ZNF626: variants seen among roughly 807,000 people sequenced by gnomAD.
ZNF626 encodes the protein zinc finger protein 626, also known as CTC-513N18.7.
Under a neutral mutation model 11.7 loss-of-function variants are expected in ZNF626, and 4 were observed. That is an observed-to-expected ratio of 0.34 (90% CI 0.17 to 0.78). ZNF626 has a LOEUF of 0.78. Among genes scored for constraint, ZNF626 ranks in the 30% least tolerant of loss-of-function variants. The pLI, the probability that ZNF626 is intolerant of heterozygous loss-of-function variation, is 0.57. For synonymous variants in ZNF626, 179 were observed against 198.6 expected, an observed-to-expected ratio of 0.90 and a Z score of 0.83; for missense variants, 588 against 587.1, an observed-to-expected ratio of 1.00 and a Z score of -0.01.
At chr19:20,654,281 C>A (rs569838412) in intron 1 of ZNF626, among the ~76,000 whole-genome samples, 19 of 151,770 alleles carry the variant, frequency 1.3e-4, no homozygotes, top group African/African-American at 4.6e-4. Context: ...TCTACAAAAA[C>A]CATATAAAAA....
intron 1 of ZNF626, among the ~76,000 whole-genome samples, chr19:20,648,463 G>A (rs749221019): frequency 4.0e-5 from 6 of 149,800 alleles, no homozygotes; most frequent in Non-Finnish European, 7.4e-5. Flanking sequence ...TGCAAGCTCT[G>A]CCTCCCAGGT....
intron 1 of ZNF626, among the ~76,000 whole-genome samples, chr19:20,648,043 G>A (rs897583767): frequency 6.6e-6 from 1 of 151,680 alleles, no homozygotes; most frequent in African/African-American, 2.4e-5. Context: ...GCCGGGTGTT[G>A]TGGCAAGCAC....
intron 3 of ZNF626, among the ~76,000 whole-genome samples, chr19:20,642,370 T>C (rs192886958): frequency 1.2e-3 from 184 of 152,090 alleles, no homozygotes; most frequent in East Asian, 8.7e-3. Flanking sequence ...AAGGCCAAGG[T>C]GGGCAGATCA....
intron 3 of ZNF626, among the ~76,000 whole-genome samples, chr19:20,641,002 C>T (rs1555771374): frequency 2.0e-5 from 3 of 151,754 alleles, no homozygotes; most frequent in Non-Finnish European, 1.5e-5. Context: ...TGGGCATGGT[C>T]GTGGGCGCCT....
rs147701537 is a variant in ZNF626 at position 20,652,440 on chromosome 19, T to G, written c.4-6035A>C. ...TGAGTAGCAGCATTTACAAGAAGAT[T>G]TGTAAAGACAATAAGAGAAACACAG... On this transcript the variant is annotated intron_variant, in intron 1 of 3. Transcript: ENST00000601440. Among the ~76,000 whole-genome samples, 287 of 152,318 alleles carry G rather than the reference T, an allele frequency of 1.9e-3. 1 individual carries two copies. The highest frequency in any genetic ancestry group is 6.6e-3 in the African/African-American group (273 of 41,570).
At chr19:20,654,972 C>A (rs549978632) in intron 1 of ZNF626, among the ~76,000 whole-genome samples, 1 of 151,826 alleles carries the variant, frequency 6.6e-6, no homozygotes, top group Non-Finnish European at 1.5e-5. Flanking sequence ...TTCAGCCAGG[C>A]ATGGTGATGC....
chr19:20,651,376 T>C (rs1486236755), intron 1 of ZNF626, among the ~76,000 whole-genome samples: 1 of 151,162 alleles, frequency 6.6e-6, no homozygotes, highest in East Asian at 1.9e-4. Context: ...CTAGACTAAG[T>C]TTCTGGATTG....
In ZNF626 at chr19:20,625,186, A is replaced by AT. The variant is rs782096697; in HGVS notation, c.690dup (p.Cys231MetfsTer2). On this transcript the variant is annotated frameshift_variant, in exon 4 of 4. Transcript: ENST00000601440. LOFTEE classifies it low-confidence loss of function (END_TRUNC). The stretch of plus-strand genomic sequence containing the variant: ...TTAAAGGCTTTGCCACATTCTTCAC[A>AT]TTTGTAGGGTTTCTCTCCAGTATGA... The AT allele has an allele frequency of 1.9e-6, 3 of 1,613,212 alleles. No individual in the cohort carries two copies. The highest frequency in any genetic ancestry group is 2.5e-6 in the Non-Finnish European group (3 of 1,179,930).
At chr19:20,648,795 T>G (rs1970113697) in intron 1 of ZNF626, among the ~76,000 whole-genome samples, 1 of 152,228 alleles carries the variant, frequency 6.6e-6, no homozygotes, top group Admixed American at 6.5e-5. Context: ...ATCTTGAGTA[T>G]CCACATCTTT....
chr19:20,637,947 C>A (rs1438204357), intron 3 of ZNF626, among the ~76,000 whole-genome samples: 3 of 152,148 alleles, frequency 2.0e-5, no homozygotes, highest in African/African-American at 7.2e-5. Context: ...CAAGACCAGC[C>A]TGGGCAACAT....
intron 3 of ZNF626, among the ~76,000 whole-genome samples, chr19:20,634,783 T>A (rs961590099): frequency 2.0e-5 from 3 of 152,222 alleles, no homozygotes; most frequent in Non-Finnish European, 4.4e-5. Context: ...GTATATGGAA[T>A]CTAAAGAGTT....
intron 1 of ZNF626, among the ~76,000 whole-genome samples, chr19:20,658,953 C>T (rs1970234599): frequency 6.6e-6 from 1 of 152,056 alleles, no homozygotes; most frequent in Non-Finnish European, 1.5e-5. Flanking sequence ...TTATGTTTAC[C>T]GGTTTCATAT....
intron 3 of ZNF626, among the ~76,000 whole-genome samples, chr19:20,630,191 T>C (rs1435685209): frequency 1.3e-5 from 2 of 152,206 alleles, no homozygotes; most frequent in South Asian, 2.1e-4. Context: ...CAGTATTTTA[T>C]TGAGGATTTT....
chr19:20,645,492 C>T (rs1370161073), intron 3 of ZNF626, 192 bp downstream of exon 3: 4 of 1,585,514 alleles, frequency 2.5e-6, no homozygotes, highest in Admixed American at 2.0e-5. Flanking sequence ...AAGCATAAGA[C>T]AGAAGATGCC....
chr19:20,639,491 A>G (rs1167296710), intron 3 of ZNF626, among the ~76,000 whole-genome samples: 1 of 152,184 alleles, frequency 6.6e-6, no homozygotes, highest in Middle Eastern at 3.2e-3. Context: ...CAATCCTAAC[A>G]CTTTGGGAGA....
Position 20,619,991 on chromosome 19 carries a change from T to C in ZNF626, c.*4299A>G, listed in dbSNP as rs1969739276. ...TACAAATATTAACTAACATCTTTTT[T>C]TCTGGCTTAAATTATTATTCCTTTA... On this transcript the variant is annotated 3_prime_UTR_variant, in exon 4 of 4. Coordinates refer to ENST00000601440, the MANE Select transcript of ZNF626 (RefSeq NM_001076675.3). 6.6e-6 allele frequency: 1 copy of C among 152,250 alleles called. No homozygotes were observed. The allele number at this position is 152,250 out of a possible 1,614,324, so 9.4% of individuals were successfully genotyped here. A position where few individuals can be genotyped will look rare whatever the true frequency, so the allele number is the denominator to read the frequency against.
In ZNF626 at chr19:20,623,399, A is replaced by C. The variant is rs1305318807; in HGVS notation, c.*891T>G. 2.6e-5 allele frequency: 4 copies of C among 152,252 alleles called. No individual in the cohort carries two copies. The highest frequency in any genetic ancestry group is 1.3e-4 in the Admixed American group (2 of 15,270). 9.4% of individuals were successfully genotyped at this position (152,252 alleles called of 1,614,324 possible). A position where few individuals can be genotyped will look rare whatever the true frequency, so the allele number is the denominator to read the frequency against. ...ATTTCTAGGGTTTCACACTAGTATA[A>C]ATTTTTTATGTATAGAAAGGATGGA... is the stretch of plus-strand genomic sequence containing the variant. On this transcript the variant is annotated 3_prime_UTR_variant, in exon 4 of 4. Transcript: ENST00000601440.
intron 1 of ZNF626, among the ~76,000 whole-genome samples, chr19:20,658,829 C>G (rs1970233446): frequency 6.6e-6 from 1 of 152,100 alleles, no homozygotes; most frequent in African/African-American, 2.4e-5. Context: ...ATCAAAAACC[C>G]CATAGGCCCA....
At position 20,661,530 on chromosome 19, in the gene ZNF626, A is replaced by T; in HGVS notation, c.-84T>A. The T allele has an allele frequency of 7.9e-7, 1 of 1,264,000 alleles. No individual in the cohort carries two copies. Among genetic ancestry groups the T allele is most frequent in the Non-Finnish European group, 1.1e-6 (1 of 939,050 alleles). The allele number at this position is 1,264,000 out of a possible 1,614,324, so 78.3% of individuals were successfully genotyped here. ...ACGGGGCCACACAGCCTGGGCCTTT[A>T]GGAGAAGAACCAGACCTGGAGCTCT... On this transcript the variant is annotated 5_prime_UTR_variant, in exon 1 of 4. Transcript: ENST00000601440.
Sources: gnomAD v4.1 joint callset for allele counts (sites outside exome capture counted in the v4.1 genomes callset) on GRCh38, gnomAD v4.1.1 for gene constraint, MANE v1.5 for transcripts, NCBI Gene and HGNC (gene_info 2026-07-23, HGNC 2026-07-21) for gene names.